The following EFNA5 variants were observed in gnomAD, a reference collection of about 807,000 sequenced individuals.
EFNA5 encodes ephrin-A5.
A neutral mutation model predicts 22.9 loss-of-function variants in EFNA5; 5 were observed. The ratio of observed to expected loss-of-function variants is 0.22; its 90% CI spans 0.11 to 0.46. The LOEUF is 0.46. Ranked by LOEUF, EFNA5 falls within the 20% of genes least tolerant of loss-of-function variation. The pLI is 0.99. For missense variants in EFNA5, 237 were observed against 293.3 expected (o/e 0.81, Z 1.40); for synonymous variants, 113 against 112.2 (o/e 1.01, Z -0.04).
chr5:107,465,957 C>T (rs1233451950), intron 1 of EFNA5, among the ~76,000 whole-genome samples: 1 of 152,112 alleles, frequency 6.6e-6, no homozygotes, highest in Non-Finnish European at 1.5e-5. Context: ...CCCAGCCACA[C>T]TGTGAAATCA....
intron 1 of EFNA5, among the ~76,000 whole-genome samples, chr5:107,631,449 C>G (rs1750249058): frequency 6.6e-6 from 1 of 151,572 alleles, no homozygotes; most frequent in Non-Finnish European, 1.5e-5. Flanking sequence ...CAAATTTTGC[C>G]TATGGTAAAA....
intron 1 of EFNA5, among the ~76,000 whole-genome samples, chr5:107,565,747 A>G (rs569536351): frequency 2.0e-5 from 3 of 152,254 alleles, no homozygotes; most frequent in Non-Finnish European, 4.4e-5. Context: ...GGGGGCATAA[A>G]TTATTTTTAA....
intron 1 of EFNA5, among the ~76,000 whole-genome samples, chr5:107,524,845 G>C (rs570642313): frequency 6.6e-6 from 1 of 152,264 alleles, no homozygotes; most frequent in African/African-American, 2.4e-5. Context: ...TTTCTGGATA[G>C]TTGCTTCATA....
intron 1 of EFNA5, among the ~76,000 whole-genome samples, chr5:107,593,357 CT>C: frequency 6.6e-6 from 1 of 152,310 alleles, no homozygotes; most frequent in East Asian, 1.9e-4. Flanking sequence ...CAAATCTGTT[CT>C]TTCTGGAAGG....
chr5:107,626,645 T>C (rs931047264), intron 1 of EFNA5, among the ~76,000 whole-genome samples: 1 of 152,190 alleles, frequency 6.6e-6, no homozygotes, highest in African/African-American at 2.4e-5. Flanking sequence ...TTGTTGGACC[T>C]AGCGCCCATG....
intron 1 of EFNA5, among the ~76,000 whole-genome samples, chr5:107,650,919 T>A (rs763476459): frequency 1.4e-4 from 22 of 152,230 alleles, no homozygotes; most frequent in Non-Finnish European, 2.6e-4. Context: ...CCACGAAACA[T>A]TTAACCTCCG....
chr5:107,655,239 T>G (rs1027438342), intron 1 of EFNA5, among the ~76,000 whole-genome samples: 2 of 152,110 alleles, frequency 1.3e-5, no homozygotes, highest in African/African-American at 4.8e-5. Flanking sequence ...CCAAGTAACA[T>G]AAAATTACCA....
chr5:107,566,334 C>T (rs768305494), intron 1 of EFNA5, among the ~76,000 whole-genome samples: 1 of 149,818 alleles, frequency 6.7e-6, no homozygotes, highest in Non-Finnish European at 1.5e-5. Flanking sequence ...TAATTTGTGG[C>T]ATTCATGTGT....
chr5:107,606,882 C>A (rs1461293202), intron 1 of EFNA5, among the ~76,000 whole-genome samples: 1 of 152,110 alleles, frequency 6.6e-6, no homozygotes. Context: ...AGGAACAGCG[C>A]CCTAATTTTT....
intron 1 of EFNA5, among the ~76,000 whole-genome samples, chr5:107,609,079 A>G (rs559600161): frequency 3.4e-4 from 52 of 152,348 alleles, no homozygotes; most frequent in Middle Eastern, 6.8e-3. Flanking sequence ...ATATACAGCT[A>G]CAATAATTTA....
At chr5:107,396,923 C>T (rs1331311884) in intron 2 of EFNA5, among the ~76,000 whole-genome samples, 1 of 152,134 alleles carries the variant, frequency 6.6e-6, no homozygotes, top group African/African-American at 2.4e-5. Flanking sequence ...AGAGAGGAAA[C>T]TAGGCTGGGT....
chr5:107,544,295 C>G (rs1201651099), intron 1 of EFNA5, among the ~76,000 whole-genome samples: 1 of 152,166 alleles, frequency 6.6e-6, no homozygotes, highest in Non-Finnish European at 1.5e-5. Flanking sequence ...TGCTGGGGCT[C>G]AGCCCCACAC....
At chr5:107,543,397 T>G (rs1748085775) in intron 1 of EFNA5, among the ~76,000 whole-genome samples, 1 of 152,236 alleles carries the variant, frequency 6.6e-6, no homozygotes, top group South Asian at 2.1e-4. Flanking sequence ...AATATGACAA[T>G]GCTATTTTAC....
intron 1 of EFNA5, among the ~76,000 whole-genome samples, chr5:107,455,919 G>A (rs1386562951): frequency 6.6e-6 from 1 of 152,102 alleles, no homozygotes; most frequent in Non-Finnish European, 1.5e-5. Flanking sequence ...GCCCTGACTG[G>A]GTGCAGCCAA....
At chr5:107,597,105 A>C (rs1425882346) in intron 1 of EFNA5, among the ~76,000 whole-genome samples, 1 of 152,270 alleles carries the variant, frequency 6.6e-6, no homozygotes, top group African/African-American at 2.4e-5. Flanking sequence ...GCACATAAAA[A>C]CTGTTTTAAG....
chr5:107,448,605 C>T (rs1490616667), intron 1 of EFNA5, among the ~76,000 whole-genome samples: 2 of 151,812 alleles, frequency 1.3e-5, no homozygotes, highest in Middle Eastern at 3.4e-3. Context: ...CTGAGGCGGG[C>T]GGATCACGAG....
At chr5:107,648,356 C>T (rs920185664) in intron 1 of EFNA5, among the ~76,000 whole-genome samples, 5 of 152,102 alleles carry the variant, frequency 3.3e-5, no homozygotes, top group Non-Finnish European at 7.4e-5. Context: ...ACTTATATTG[C>T]ATAATTGTTT....
At chr5:107,513,606 G>A (rs898911977) in intron 1 of EFNA5, among the ~76,000 whole-genome samples, 1 of 152,162 alleles carries the variant, frequency 6.6e-6, no homozygotes, top group Non-Finnish European at 1.5e-5. Flanking sequence ...ACACCCCACC[G>A]AAATCAACTG....
intron 1 of EFNA5, 34 bp downstream of exon 1, chr5:107,670,455 G>T (rs749287749): frequency 1.3e-6 from 2 of 1,541,130 alleles, no homozygotes; most frequent in South Asian, 1.2e-5. Flanking sequence ...CCGAGGCCCG[G>T]GTAGCCCTGG....
Sources: gnomAD v4.1 joint callset for allele counts (sites outside exome capture counted in the v4.1 genomes callset) on GRCh38, gnomAD v4.1.1 for gene constraint, MANE v1.5 for transcripts, NCBI Gene and HGNC (gene_info 2026-07-23, HGNC 2026-07-21) for gene names.